PDE4D: variants seen among roughly 807,000 people sequenced by gnomAD.
The protein encoded by PDE4D is phosphodiesterase 4D.
PDE4D carries 24 observed loss-of-function variants against 87.4 expected under a neutral mutation model. The ratio of observed to expected loss-of-function variants is 0.27; its 90% CI spans 0.20 to 0.39. The LOEUF (loss-of-function observed/expected upper bound fraction) is 0.39. Ranked by LOEUF, PDE4D falls within the 10% of genes least tolerant of loss-of-function variation. PDE4D has a pLI of 1.00. For synonymous variants in PDE4D, 384 were observed against 383.2 expected (o/e 1.00, Z -0.02); for missense variants, 714 against 1,041.0 (o/e 0.69, Z 4.32).
intron 1 of PDE4D, among the ~76,000 whole-genome samples, chr5:60,304,743 C>T (rs1225951142): frequency 6.6e-6 from 1 of 151,272 alleles, no homozygotes; most frequent in East Asian, 1.9e-4. Flanking sequence ...TTACAGATAC[C>T]GTGTATAACT....
rs1345968184 is a variant in PDE4D at position 59,283,741 on chromosome 5, T to C, written c.456-67773A>G. 2.0e-5 allele frequency among the ~76,000 whole-genome samples: 3 copies of C among 152,200 alleles called. No individual in the cohort carries two copies. In the East Asian group the frequency reaches 5.8e-4, roughly 29 times the overall value. On this transcript the variant is annotated intron_variant, in intron 1 of 14. Transcript: ENST00000340635. ...TAAGTAGCAGTAAAGCCCAACTAACTCCAAGACAAACTCAGAAGTTCAGTC... is the reference window on the plus strand; with the variant it reads ...TAAGTAGCAGTAAAGCCCAACTAACCCCAAGACAAACTCAGAAGTTCAGTC...
intron 1 of PDE4D, among the ~76,000 whole-genome samples, chr5:59,741,421 A>C (rs934166958): frequency 2.6e-5 from 4 of 152,208 alleles, no homozygotes; most frequent in Admixed American, 1.3e-4. Flanking sequence ...TCTATTCAAA[A>C]GAAAAAAATC....
chr5:59,229,261 C>T (rs770061911), intron 1 of PDE4D, among the ~76,000 whole-genome samples: 14 of 152,192 alleles, frequency 9.2e-5, no homozygotes, highest in East Asian at 5.8e-4. Context: ...TATCTTTAGA[C>T]GCAGCGGTAC....
At chr5:60,040,438 G>A (rs535884569) in intron 2 of PDE4D, among the ~76,000 whole-genome samples, 33 of 152,192 alleles carry the variant, frequency 2.2e-4, no homozygotes, top group Non-Finnish European at 4.4e-4. Flanking sequence ...ACCTGTAGAT[G>A]TAGAATAACA....
At chr5:59,567,520 G>A (rs1583156499) in intron 1 of PDE4D, among the ~76,000 whole-genome samples, 1 of 152,148 alleles carries the variant, frequency 6.6e-6, no homozygotes, top group East Asian at 1.9e-4. Flanking sequence ...CATGTCCCAA[G>A]TTAACTGCAA....
intron 1 of PDE4D, among the ~76,000 whole-genome samples, chr5:59,603,913 TC>T (rs1358280125): frequency 3.9e-5 from 6 of 152,022 alleles, no homozygotes; most frequent in African/African-American, 1.4e-4. Flanking sequence ...TTAAGTGTTT[TC>T]ATCACAAAAA....
At chr5:59,309,494 A>G (rs551976094) in intron 1 of PDE4D, among the ~76,000 whole-genome samples, 45 of 152,284 alleles carry the variant, frequency 3.0e-4, no homozygotes, top group Middle Eastern at 6.8e-3. Flanking sequence ...AGCTCCAGGT[A>G]AAGTCAGAAA....
At chr5:60,398,851 A>G (rs1278931467) in intron 1 of PDE4D, among the ~76,000 whole-genome samples, 2 of 152,140 alleles carry the variant, frequency 1.3e-5, no homozygotes, top group Non-Finnish European at 2.9e-5. Flanking sequence ...GGGTGAAGAA[A>G]TGTGCCCCAA....
intron 1 of PDE4D, among the ~76,000 whole-genome samples, chr5:59,596,173 A>AGTTAGGT (rs1561289551): frequency 1.3e-5 from 2 of 151,536 alleles, no homozygotes; most frequent in East Asian, 3.9e-4. Flanking sequence ...CAGTTAACAG[A>AGTTAGGT]GTTAGGTATA....
chr5:60,304,777 C>A (rs937979213), intron 1 of PDE4D, among the ~76,000 whole-genome samples: 2 of 151,792 alleles, frequency 1.3e-5, no homozygotes, highest in African/African-American at 4.8e-5. Context: ...AAGAATCAGG[C>A]TGCAGAAGCT....
chr5:59,303,144 G>A (rs1770601392), intron 1 of PDE4D, among the ~76,000 whole-genome samples: 1 of 152,164 alleles, frequency 6.6e-6, no homozygotes, highest in African/African-American at 2.4e-5. Flanking sequence ...CATTAGTGAT[G>A]TTGAGCATTT....
intron 1 of PDE4D, among the ~76,000 whole-genome samples, chr5:59,753,075 C>T (rs1164769168): frequency 2.6e-5 from 4 of 152,050 alleles, no homozygotes; most frequent in African/African-American, 9.7e-5. Context: ...CCATAGGGTC[C>T]GCAAAGCCTA....
At chr5:59,829,556 A>G (rs892293806) in intron 1 of PDE4D, among the ~76,000 whole-genome samples, 14 of 152,016 alleles carry the variant, frequency 9.2e-5, no homozygotes, top group African/African-American at 3.4e-4. Flanking sequence ...AGTTACTCTC[A>G]TTACAAGAAA....
chr5:60,023,891 A>G (rs1295317647), intron 2 of PDE4D, among the ~76,000 whole-genome samples: 1 of 152,230 alleles, frequency 6.6e-6, no homozygotes. Context: ...GACTGTGACC[A>G]CAGATATCAC....
At chr5:59,934,582 G>C (rs1429305808) in intron 3 of PDE4D, among the ~76,000 whole-genome samples, 1 of 152,192 alleles carries the variant, frequency 6.6e-6, no homozygotes, top group Non-Finnish European at 1.5e-5. Flanking sequence ...GTTTCAGATA[G>C]TGGCAGATAT....
intron 1 of PDE4D, among the ~76,000 whole-genome samples, chr5:59,865,071 G>A (rs1397777789): frequency 6.6e-6 from 1 of 152,208 alleles, no homozygotes; most frequent in South Asian, 2.1e-4. Flanking sequence ...GGAAAGGGCA[G>A]CAAGCCTTTT....
chr5:60,072,937 A>T (rs1044637522), intron 2 of PDE4D, among the ~76,000 whole-genome samples: 26 of 151,818 alleles, frequency 1.7e-4, no homozygotes, highest in Middle Eastern at 3.4e-3. Context: ...ATGCCTCCAG[A>T]TTTGTTCTTT....
chr5:59,916,178 C>G (rs1754024792), intron 3 of PDE4D, among the ~76,000 whole-genome samples: 1 of 152,200 alleles, frequency 6.6e-6, no homozygotes, highest in East Asian at 1.9e-4. Flanking sequence ...TGGCCCTCCC[C>G]TGCAAGCTGT....
chr5:59,523,869 C>A (rs990919602), intron 1 of PDE4D, among the ~76,000 whole-genome samples: 5 of 152,130 alleles, frequency 3.3e-5, no homozygotes, highest in Admixed American at 1.3e-4. Context: ...TTATAAGGGG[C>A]TTTTTCCCCT....
Sources: allele counts gnomAD v4.1 joint callset (sites outside exome capture counted in the v4.1 genomes callset), GRCh38; gene constraint gnomAD v4.1.1; transcripts MANE v1.5; gene names NCBI Gene and HGNC (gene_info 2026-07-23, HGNC 2026-07-21).